The following TMEM45A variants were observed in gnomAD, a reference collection of about 807,000 sequenced individuals.
The protein encoded by TMEM45A is DNA polymerase-transactivated protein 4.
A neutral mutation model predicts 32.0 loss-of-function variants in TMEM45A; 25 were observed. That is an observed-to-expected ratio of 0.78 (90% confidence interval 0.57 to 1.09). TMEM45A has a LOEUF of 1.09. TMEM45A is among the 50% of genes least tolerant of loss of function. The pLI is 0.00. For synonymous variants in TMEM45A, 122 were observed against 114.8 expected, an observed-to-expected ratio of 1.06 and a Z score of -0.40; for missense variants, 302 against 325.0, an observed-to-expected ratio of 0.93 and a Z score of 0.54.
At chr3:100,531,579 G>A (rs940785276) in intron 1 of TMEM45A, among the ~76,000 whole-genome samples, 3 of 152,142 alleles carry the variant, frequency 2.0e-5, no homozygotes, top group African/African-American at 7.2e-5. Context: ...CTTGAATAGA[G>A]AATCAACTAG....
chr3:100,513,631 T>A (rs1421084905), intron 1 of TMEM45A, among the ~76,000 whole-genome samples: 1 of 150,716 alleles, frequency 6.6e-6, no homozygotes, highest in East Asian at 1.9e-4. Context: ...GCCAGGGCAA[T>A]TAGGCAGGAG....
At chr3:100,574,926 GATATAAA>G (rs1447573392) in intron 5 of TMEM45A, among the ~76,000 whole-genome samples, 1 of 152,022 alleles carries the variant, frequency 6.6e-6, no homozygotes, top group African/African-American at 2.4e-5. Context: ...GATATATTTT[GATATAAA>G]CTTAAGCAAT....
At chr3:100,500,859 C>T (rs561292519) in intron 1 of TMEM45A, among the ~76,000 whole-genome samples, 203 of 152,334 alleles carry the variant, frequency 1.3e-3, no homozygotes, top group African/African-American at 4.6e-3. Context: ...ATGCCTGCAC[C>T]TTTCTCCAGA....
intron 5 of TMEM45A, among the ~76,000 whole-genome samples, chr3:100,569,267 A>G (rs1222000841): frequency 3.9e-5 from 6 of 152,074 alleles, no homozygotes; most frequent in Non-Finnish European, 4.4e-5. Context: ...TCTCTTCTGA[A>G]TGGTTTCCCT....
rs1576298006 is a variant in TMEM45A, at chr3:100,573,250, A to G, written c.735-3675A>G. 3 of 150,538 alleles carry G rather than the reference A, an allele frequency of 2.0e-5. No homozygotes were observed. In the South Asian group the frequency reaches 6.4e-4, roughly 32 times the overall value. The allele number at this position is 150,538 out of a possible 1,614,324, so 9.3% of individuals were successfully genotyped here. On this transcript the variant is annotated intron_variant, in intron 5 of 5. Transcript: ENST00000323523. ...ACCCATGAGCATGGAATGTTCTTCC[A>G]TTTGTTTGTATCCTCTTTTATTTCC...
chr3:100,547,184 C>T (rs765398357), intron 1 of TMEM45A, among the ~76,000 whole-genome samples: 3 of 151,954 alleles, frequency 2.0e-5, no homozygotes, highest in Admixed American at 6.6e-5. Context: ...TGCAGTGGTA[C>T]GATCTTGGCT....
chr3:100,543,605 T>C (rs577298280), intron 1 of TMEM45A, among the ~76,000 whole-genome samples: 9 of 152,310 alleles, frequency 5.9e-5, no homozygotes, highest in Admixed American at 2.0e-4. Context: ...TCAAGGATCT[T>C]TTCATGTGAT....
chr3:100,513,080 A>G (rs1284779047), intron 1 of TMEM45A, among the ~76,000 whole-genome samples: 22 of 149,450 alleles, frequency 1.5e-4, no homozygotes, highest in African/African-American at 5.2e-4. Context: ...TTCTGAAACT[A>G]TTCCAATCAA....
At chr3:100,539,170 G>A (rs547201688) in intron 1 of TMEM45A, among the ~76,000 whole-genome samples, 4 of 152,084 alleles carry the variant, frequency 2.6e-5, no homozygotes, top group Non-Finnish European at 4.4e-5. Flanking sequence ...GAACAGAATC[G>A]TAGTACTGAT....
At chr3:100,521,543 C>T (rs576238856) in intron 1 of TMEM45A, among the ~76,000 whole-genome samples, 124 of 152,322 alleles carry the variant, frequency 8.1e-4, no homozygotes, top group African/African-American at 2.6e-3. Flanking sequence ...TGAGCCACCA[C>T]GCCCAGCCTC....
chr3:100,513,377 CAT>C (rs1375246480), intron 1 of TMEM45A, among the ~76,000 whole-genome samples: 1 of 151,566 alleles, frequency 6.6e-6, no homozygotes, highest in Non-Finnish European at 1.5e-5. Context: ...ACAAAAACCA[CAT>C]GATTATCTCA....
At chr3:100,570,325 C>T (rs1448414570) in intron 5 of TMEM45A, among the ~76,000 whole-genome samples, 3 of 152,218 alleles carry the variant, frequency 2.0e-5, no homozygotes, top group South Asian at 4.1e-4. Context: ...ACCCCTCCTG[C>T]TCTGTGCTTC....
At chr3:100,492,976 T>G (rs1381239354) in intron 1 of TMEM45A, 48 bp downstream of exon 1, 1 of 152,192 alleles carries the variant, frequency 6.6e-6, no homozygotes, top group African/African-American at 2.4e-5. Context: ...TGCCGTGATC[T>G]CTATCCTGTG....
At chr3:100,514,833 T>C (rs1356783679) in intron 1 of TMEM45A, among the ~76,000 whole-genome samples, 1 of 149,056 alleles carries the variant, frequency 6.7e-6, no homozygotes, top group East Asian at 2.0e-4. Context: ...AACAGACACT[T>C]CTCAAAAGAA....
chr3:100,515,412 G>A (rs1245105459), intron 1 of TMEM45A, among the ~76,000 whole-genome samples: 1 of 147,996 alleles, frequency 6.8e-6, no homozygotes, highest in African/African-American at 2.5e-5. Flanking sequence ...CTCACTCATA[G>A]GTGGGAATTG....
At chr3:100,519,628 A>G (rs1391589569) in intron 1 of TMEM45A, 1 of 1,550,550 alleles carries the variant, frequency 6.4e-7, no homozygotes, top group Admixed American at 2.0e-5. Context: ...GCGTTTCTGC[A>G]GTAACCTTTG....
chr3:100,526,204 TG>T (rs1705541833), intron 1 of TMEM45A, among the ~76,000 whole-genome samples: 1 of 152,196 alleles, frequency 6.6e-6, no homozygotes, highest in African/African-American at 2.4e-5. Context: ...AGCTGTGTGC[TG>T]GGAGCTTCTG....
At chr3:100,541,148 C>A (rs936766757) in intron 1 of TMEM45A, among the ~76,000 whole-genome samples, 6 of 152,086 alleles carry the variant, frequency 3.9e-5, no homozygotes, top group African/African-American at 1.4e-4. Context: ...CTGTTCATGT[C>A]TTTTGCCCAC....
chr3:100,496,054 C>G (rs955183885), intron 1 of TMEM45A, among the ~76,000 whole-genome samples: 1 of 152,170 alleles, frequency 6.6e-6, no homozygotes, highest in Non-Finnish European at 1.5e-5. Flanking sequence ...TTTCTCTTCC[C>G]TGAGAGCATT....
Sources: allele counts gnomAD v4.1 joint callset (sites outside exome capture counted in the v4.1 genomes callset), GRCh38; gene constraint gnomAD v4.1.1; transcripts MANE v1.5; gene names NCBI Gene and HGNC (gene_info 2026-07-23, HGNC 2026-07-21).